ADAMTS19: variants seen among roughly 807,000 people sequenced by gnomAD.
ADAMTS19 encodes the protein A disintegrin and metalloproteinase with thrombospondin motifs 19.
In ADAMTS19, 93 loss-of-function variants were observed where a neutral mutation model predicts 153.3. The observed-to-expected ratio is 0.61, with a 90% CI of 0.51 to 0.72. The LOEUF (loss-of-function observed/expected upper bound fraction) is 0.72, where lower values mean the gene tolerates loss of function less well. Among genes scored for constraint, ADAMTS19 ranks in the 30% least tolerant of loss-of-function variants. ADAMTS19 has a pLI of 0.00. For missense variants in ADAMTS19, 1,482 were observed against 1,552.1 expected (o/e 0.95, Z 0.76); for synonymous variants, 600 against 556.6 (o/e 1.08, Z -1.10).
At chr5:129,668,231 G>T (rs1363967516) in intron 16 of ADAMTS19, among the ~76,000 whole-genome samples, 1 of 151,962 alleles carries the variant, frequency 6.6e-6, no homozygotes, top group Non-Finnish European at 1.5e-5. Flanking sequence ...ATAAGGCCTC[G>T]TATTTAAGGC....
chr5:129,505,757 G>A (rs1002010973), intron 2 of ADAMTS19, among the ~76,000 whole-genome samples: 6 of 152,036 alleles, frequency 3.9e-5, no homozygotes, highest in African/African-American at 1.4e-4. Flanking sequence ...CAAAAGAACA[G>A]ATGTCATCAT....
Position 129,461,168 on chromosome 5 carries a change from C to T in ADAMTS19, c.158C>T (p.Pro53Leu). 7.2e-7 allele frequency: 1 copy of T among 1,384,542 alleles called. No homozygotes were observed. The highest frequency in any genetic ancestry group is 9.4e-7 in the Non-Finnish European group (1 of 1,065,408). The allele number at this position is 1,384,542 out of a possible 1,614,324, so 85.8% of individuals were successfully genotyped here. Reference sequence around the variant, plus strand: ...TTTCCTGCGCTCTGGCGCCGGGAGCCGGTGGACCCGGCTGGCGGCAGCGGG... The same window carrying T: ...TTTCCTGCGCTCTGGCGCCGGGAGCTGGTGGACCCGGCTGGCGGCAGCGGG... ...VVFPALWRRE[P>L]VDPAGGSGGS... is the part of the protein sequence containing the mutation. The change falls in exon 2 of 23, where the codon CCG (proline) becomes CTG (leucine). Residue 53 changes from proline (P) to leucine (L), a missense_variant. Physicochemically the swap from Pro to Leu is moderately conservative, Grantham distance 98. This residue lies in a region of ADAMTS19 where 866 missense variants were observed against 827.7 expected (regional missense o/e 1.05). Coordinates refer to ENST00000274487, the MANE Select transcript of ADAMTS19 (RefSeq NM_133638.6). The surrounding 1 kb of genome is among the most constrained non-coding windows in gnomAD (Gnocchi z 4.6).
At chr5:129,573,477 C>G (rs182456374) in intron 7 of ADAMTS19, among the ~76,000 whole-genome samples, 1 of 152,158 alleles carries the variant, frequency 6.6e-6, no homozygotes, top group African/African-American at 2.4e-5. Context: ...ATTCTCATCT[C>G]TGTGTGATCA....
chr5:129,504,570 A>C (rs1186782388), intron 2 of ADAMTS19, among the ~76,000 whole-genome samples: 4 of 152,076 alleles, frequency 2.6e-5, no homozygotes, highest in Non-Finnish European at 5.9e-5. Flanking sequence ...ATCATTTTTA[A>C]TTACAGTCAC....
At chr5:129,708,686 G>A (rs1341296351) in intron 21 of ADAMTS19, among the ~76,000 whole-genome samples, 1 of 150,052 alleles carries the variant, frequency 6.7e-6, no homozygotes, top group Non-Finnish European at 1.5e-5. Context: ...ACCCTTTCAT[G>A]CAGTATTAAC....
chr5:129,477,329 A>G (rs1750258629), intron 2 of ADAMTS19, among the ~76,000 whole-genome samples: 1 of 152,152 alleles, frequency 6.6e-6, no homozygotes, highest in Non-Finnish European at 1.5e-5. Flanking sequence ...TTTAATGTCC[A>G]TGGTTGTTTA....
intron 8 of ADAMTS19, among the ~76,000 whole-genome samples, chr5:129,618,062 T>G (rs1010211244): frequency 6.6e-6 from 1 of 151,956 alleles, no homozygotes; most frequent in African/African-American, 2.4e-5. Context: ...ATAAGGCAAC[T>G]GAGGCAGGTT....
chr5:129,569,825 A>G (rs1024962), intron 7 of ADAMTS19, among the ~76,000 whole-genome samples: 77,438 of 151,734 alleles, frequency 0.51, 22,850 homozygotes, highest in Non-Finnish European at 0.66. Flanking sequence ...CCATGCTTAG[A>G]GAGGAATGTA....
At chr5:129,615,474 T>C (rs1343365254) in intron 8 of ADAMTS19, among the ~76,000 whole-genome samples, 3 of 152,036 alleles carry the variant, frequency 2.0e-5, no homozygotes, top group East Asian at 3.9e-4. Context: ...TTTTAATTCG[T>C]TGGGGGCAGG....
chr5:129,529,747 A>G (rs985186523), intron 6 of ADAMTS19, among the ~76,000 whole-genome samples: 1 of 152,188 alleles, frequency 6.6e-6, no homozygotes, highest in African/African-American at 2.4e-5. Flanking sequence ...GAGAGGTGCC[A>G]TGAAGTACGT....
intron 15 of ADAMTS19, among the ~76,000 whole-genome samples, chr5:129,662,515 G>A (rs1278001860): frequency 2.0e-5 from 3 of 152,120 alleles, no homozygotes; most frequent in South Asian, 2.1e-4. Context: ...ATAGAGAATC[G>A]CTGTAAATAT....
intron 19 of ADAMTS19, among the ~76,000 whole-genome samples, chr5:129,698,583 T>C (rs1292880691): frequency 6.6e-6 from 1 of 152,240 alleles, no homozygotes; most frequent in East Asian, 1.9e-4. Context: ...ATTTTAGTTC[T>C]TATTTTTCAG....
rs1466197858 is a variant in ADAMTS19, at chr5:129,461,960, G to A, written c.747+203G>A. On this transcript the variant is annotated intron_variant, in intron 2 of 22. Coordinates refer to ENST00000274487, the MANE Select transcript of ADAMTS19 (RefSeq NM_133638.6). The surrounding 1 kb of genome is among the most constrained non-coding windows in gnomAD (Gnocchi z 4.6). ...TTGTGTAAATCGGAAGTTTAATTGG[G>A]TGGATAAATGGCCTTCTCCTTCCAG... Among the ~76,000 whole-genome samples, 1 of 152,296 alleles carries A rather than the reference G, an allele frequency of 6.6e-6. No individual in the cohort carries two copies. Among genetic ancestry groups the A allele is most frequent in the South Asian group, 2.1e-4 (1 of 4,826 alleles).
In ADAMTS19 at chr5:129,734,952, A is replaced by C; in HGVS notation, c.3333A>C (p.Lys1111Asn). 2.5e-6 allele frequency: 4 copies of C among 1,586,022 alleles called. No individual in the cohort carries two copies. Among genetic ancestry groups the C allele is most frequent in the Non-Finnish European group, 3.4e-6 (4 of 1,169,516 alleles). The change falls in exon 22 of 23, where the codon AAA becomes AAC. Residue 1111 changes from lysine (K) to asparagine (N), a missense_variant. Transcript: ENST00000274487. ...DWSKCSITCG[K>N]GMQSRVIQCM... is the part of the protein sequence containing the mutation. ...CCTAGTGCTCAATTACCTGTGGCAAAGGAATGCAGTCCCGTGTAATCCAAT... is the reference window on the plus strand; with the variant it reads ...CCTAGTGCTCAATTACCTGTGGCAACGGAATGCAGTCCCGTGTAATCCAAT...
chr5:129,643,783 T>C (rs1377981617), intron 11 of ADAMTS19, among the ~76,000 whole-genome samples: 1 of 152,194 alleles, frequency 6.6e-6, no homozygotes, highest in Non-Finnish European at 1.5e-5. Flanking sequence ...GTCTGTTTTA[T>C]TTTTTAAATA....
chr5:129,626,732 G>T (rs1752067912), intron 10 of ADAMTS19, among the ~76,000 whole-genome samples: 1 of 152,044 alleles, frequency 6.6e-6, no homozygotes, highest in Non-Finnish European at 1.5e-5. Flanking sequence ...ACTGTATGAA[G>T]CACAAATAAT....
intron 2 of ADAMTS19, among the ~76,000 whole-genome samples, chr5:129,476,722 C>T (rs1349299059): frequency 6.6e-6 from 1 of 152,058 alleles, no homozygotes; most frequent in East Asian, 1.9e-4. Context: ...GAAATAAAGA[C>T]CCTTAGATAG....
At chr5:129,473,844 G>A (rs1039971550) in intron 2 of ADAMTS19, among the ~76,000 whole-genome samples, 1 of 152,010 alleles carries the variant, frequency 6.6e-6, no homozygotes, top group African/African-American at 2.4e-5. Context: ...TTTTTTCAGG[G>A]TAAATCAGTA....
At position 129,667,075 on chromosome 5, in the gene ADAMTS19, C is replaced by T. The variant is rs560179822; in HGVS notation, c.2506+1496C>T. On this transcript the variant is annotated intron_variant, in intron 16 of 22. Transcript: ENST00000274487. ...GTTTCCTGTCTCCCTCTACAGTAAA[C>T]GCCTTTTATAAGGTCAGCAAATGCC... 2.6e-5 allele frequency among the ~76,000 whole-genome samples: 4 copies of T among 152,240 alleles called. No individual in the cohort carries two copies. The East Asian group carries it at 7.8e-4, about 30-fold the overall frequency.
Sources: allele counts gnomAD v4.1 joint callset (sites outside exome capture counted in the v4.1 genomes callset), GRCh38; gene constraint gnomAD v4.1.1; regional missense constraint gnomAD v4.1.1; non-coding constraint Gnocchi (gnomAD v3.1); transcripts MANE v1.5; gene names NCBI Gene and HGNC (gene_info 2026-07-23, HGNC 2026-07-21).